Variants in ACACA observed in about 807,000 individuals in gnomAD.
The protein encoded by ACACA is acetyl-CoA carboxylase 1.
A neutral mutation model predicts 296.1 loss-of-function variants in ACACA; 103 were observed. That is an observed-to-expected ratio of 0.35 (90% confidence interval 0.30 to 0.41). The LOEUF (loss-of-function observed/expected upper bound fraction) is 0.41. ACACA is among the 10% of genes least tolerant of loss of function. ACACA has a pLI of 1.00. For missense variants in ACACA, 1,554 were observed against 2,989.7 expected (o/e 0.52, Z 11.20); for synonymous variants, 953 against 1,038.6 (o/e 0.92, Z 1.58).
At chr17:37,302,818 T>C (rs2083692107) in intron 3 of ACACA, among the ~76,000 whole-genome samples, 1 of 152,198 alleles carries the variant, frequency 6.6e-6, no homozygotes, top group Non-Finnish European at 1.5e-5. Context: ...CATTTAAAAA[T>C]TTTTTGTTAA....
chr17:37,139,395 T>C (rs952846988), intron 45 of ACACA, among the ~76,000 whole-genome samples: 1 of 152,108 alleles, frequency 6.6e-6, no homozygotes, highest in Non-Finnish European at 1.5e-5. Flanking sequence ...ACAATGGATA[T>C]AGGGTAGAGA....
In ACACA at chr17:37,330,469, A is replaced by C. The variant is rs771394120; in HGVS notation, c.86-44T>G. On this transcript the variant is annotated intron_variant, in intron 2 of 55. Coordinates refer to ENST00000616317, the MANE Select transcript of ACACA (RefSeq NM_198834.3). Reference sequence around the variant, plus strand: ...GTGAGAAAGGCAGGTTATGAATAATAATCTATATCTGAGGTCAGCCAGAGG... The same window carrying C: ...GTGAGAAAGGCAGGTTATGAATAATCATCTATATCTGAGGTCAGCCAGAGG... 9 of 1,611,368 alleles carry C rather than the reference A, an allele frequency of 5.6e-6. No individual in the cohort carries two copies. In the South Asian group the frequency reaches 9.9e-5, roughly 18 times the overall value.
At chr17:37,387,254 A>C (rs1442438122) in intron 1 of ACACA, 1 of 147,374 alleles carries the variant, frequency 6.8e-6, no homozygotes, top group Non-Finnish European at 1.5e-5. Flanking sequence ...TGAGTAGCTG[A>C]GATTACAGGC....
intron 36 of ACACA, among the ~76,000 whole-genome samples, chr17:37,192,864 A>G (rs776556611): frequency 2.1e-4 from 32 of 152,200 alleles, no homozygotes; most frequent in Admixed American, 4.6e-4. Flanking sequence ...AAGTTGTATT[A>G]GTATATAACT....
At chr17:37,348,363 A>T (rs1449929119) in intron 1 of ACACA, among the ~76,000 whole-genome samples, 2 of 152,186 alleles carry the variant, frequency 1.3e-5, no homozygotes, top group Non-Finnish European at 2.9e-5. Context: ...ATGAATAAAA[A>T]GAGACACCAA....
chr17:37,382,604 G>A (rs1053058297), intron 1 of ACACA, among the ~76,000 whole-genome samples: 3 of 152,166 alleles, frequency 2.0e-5, no homozygotes, highest in South Asian at 2.1e-4. Flanking sequence ...GCTCACGCCT[G>A]TAATCCCAGC....
At chr17:37,229,294 A>G (rs1236965572) in intron 25 of ACACA, among the ~76,000 whole-genome samples, 1 of 152,014 alleles carries the variant, frequency 6.6e-6, no homozygotes, top group African/African-American at 2.4e-5. Context: ...GTTACAGATC[A>G]TGTTTTGTTC....
At chr17:37,256,105 C>A (rs1257127407) in intron 14 of ACACA, among the ~76,000 whole-genome samples, 1 of 152,106 alleles carries the variant, frequency 6.6e-6, no homozygotes, top group Non-Finnish European at 1.5e-5. Flanking sequence ...TATAGTCCTA[C>A]TTTTAAGAGC....
intron 1 of ACACA, among the ~76,000 whole-genome samples, chr17:37,381,122 A>G (rs1228618206): frequency 6.6e-6 from 1 of 152,008 alleles, no homozygotes; most frequent in Admixed American, 6.6e-5. Flanking sequence ...CATACCATAT[A>G]CACTGTTCTG....
At position 37,181,182 on chromosome 17, in the gene ACACA, C is replaced by T. The variant is rs759177550; in HGVS notation, c.4932+19G>A. On this transcript the variant is annotated intron_variant, in intron 40 of 55. Coordinates refer to ENST00000616317, the MANE Select transcript of ACACA (RefSeq NM_198834.3). ...TTGCCTCCTTAGAACATGTCAGACC[C>T]TCCAGTTAGGCATCTTACCTGCCGA... The T allele has an allele frequency of 6.2e-7, 1 of 1,613,972 alleles. No individual in the cohort carries two copies. Among genetic ancestry groups the T allele is most frequent in the Non-Finnish European group, 8.5e-7 (1 of 1,179,862 alleles).
chr17:37,362,098 T>C (rs78941860), intron 1 of ACACA, among the ~76,000 whole-genome samples: 2,289 of 152,204 alleles, frequency 0.015, 56 homozygotes, highest in African/African-American at 0.052. Flanking sequence ...TATGAAGACA[T>C]AGGGCATGCA....
chr17:37,131,060 T>C (rs2075070490), intron 45 of ACACA, among the ~76,000 whole-genome samples: 1 of 151,628 alleles, frequency 6.6e-6, no homozygotes, highest in African/African-American at 2.4e-5. Context: ...AACCCCTGAG[T>C]CTCAAGTCTT....
intron 3 of ACACA, among the ~76,000 whole-genome samples, chr17:37,287,038 T>C (rs1413570899): frequency 6.6e-6 from 1 of 152,216 alleles, no homozygotes; most frequent in East Asian, 1.9e-4. Context: ...TACAATTTAT[T>C]TTCCTTGTGA....
At chr17:37,381,897 G>T (rs2050302367) in intron 1 of ACACA, among the ~76,000 whole-genome samples, 1 of 152,016 alleles carries the variant, frequency 6.6e-6, no homozygotes, top group Admixed American at 6.6e-5. Flanking sequence ...AAAGTGCTGG[G>T]ATTACAGGCG....
chr17:37,184,661 G>A (rs1227019175), intron 39 of ACACA, among the ~76,000 whole-genome samples: 1 of 151,986 alleles, frequency 6.6e-6, no homozygotes, highest in Non-Finnish European at 1.5e-5. Context: ...ACAAGCCTGG[G>A]CAACATTGTG....
At chr17:37,174,436 C>A (rs1249226136) in intron 41 of ACACA, among the ~76,000 whole-genome samples, 1 of 152,014 alleles carries the variant, frequency 6.6e-6, no homozygotes, top group Non-Finnish European at 1.5e-5. Flanking sequence ...ACACCTAGCG[C>A]CCATCTGAAA....
chr17:37,151,167 A>T, intron 44 of ACACA, 134 bp downstream of exon 44: 1 of 1,026,556 alleles, frequency 9.7e-7, no homozygotes. Context: ...ATCATGTGTG[A>T]TTAAAATATA....
intron 1 of ACACA, among the ~76,000 whole-genome samples, chr17:37,394,867 C>T (rs553894515): frequency 2.7e-5 from 4 of 150,182 alleles, no homozygotes; most frequent in Admixed American, 1.3e-4. Flanking sequence ...CCAGCCTGGG[C>T]GACACAGCGA....
intron 39 of ACACA, among the ~76,000 whole-genome samples, chr17:37,183,830 A>ATTTT: frequency 6.9e-6 from 1 of 144,734 alleles, no homozygotes; most frequent in Non-Finnish European, 1.5e-5. Flanking sequence ...AAAGAAAATG[A>ATTTT]GAACTAGAGT....
Sources: allele counts gnomAD v4.1 joint callset (sites outside exome capture counted in the v4.1 genomes callset), GRCh38; gene constraint gnomAD v4.1.1; transcripts MANE v1.5; gene names NCBI Gene and HGNC (gene_info 2026-07-23, HGNC 2026-07-21).